The following VILL variants were observed in gnomAD, a reference collection of about 807,000 sequenced individuals.
VILL encodes the protein villin like.
VILL carries 102 observed loss-of-function variants against 106.3 expected under a neutral mutation model. That is an observed-to-expected ratio of 0.96 (90% CI 0.82 to 1.13). The LOEUF (loss-of-function observed/expected upper bound fraction) is 1.13, where lower values mean the gene tolerates loss of function less well. Among genes scored for constraint, VILL ranks in the 50% most tolerant of loss-of-function variants. The pLI is 0.00. For synonymous variants in VILL, 431 were observed against 440.3 expected, an observed-to-expected ratio of 0.98 and a Z score of 0.27; for missense variants, 1,076 against 1,116.6, an observed-to-expected ratio of 0.96 and a Z score of 0.52.
At position 37,999,418 on chromosome 3, in the gene VILL, C is replaced by T. The variant is rs781728652; in HGVS notation, c.1161C>T (p.Asp387=). ...TAGCGGCCCAGCTCAGGATGGTGGA[C>T]GACGGCTCTGGGAAGGTGGAGGTGA... is the stretch of plus-strand genomic sequence containing the variant. ...PKLAAQLRMV[D]DGSGKVEVWC... The change falls in exon 11 of 20, where the codon GAC becomes GAT. Residue 387 remains aspartate, a synonymous_variant. Transcript: ENST00000383759. 2 of 1,482,934 alleles carry T rather than the reference C, an allele frequency of 1.3e-6. No homozygotes were observed. The highest frequency in any genetic ancestry group is 2.6e-5 in the Admixed American group (1 of 38,352). 91.9% of individuals were successfully genotyped at this position (1,482,934 alleles called of 1,614,324 possible).
In VILL at chr3:38,004,311, TG is replaced by T. The variant is rs759154079; in HGVS notation, c.1865del (p.Gly622AlafsTer52). Reference sequence around the variant, plus strand: ...CGACTGTTTGAGTGCTCCAGCCACATGGGCTGCCTGGTCCTCGCAGAAGTGG... The same window carrying T: ...CGACTGTTTGAGTGCTCCAGCCACATGGCTGCCTGGTCCTCGCAGAAGTGG... ...QPRLFECSSH[M>X]GCLVLAEVGF... On this transcript the variant is annotated frameshift_variant, in exon 16 of 20. Transcript: ENST00000383759. LOFTEE classifies it high-confidence loss of function. 9.3e-6 allele frequency: 15 copies of T among 1,613,938 alleles called. No homozygotes were observed. In the East Asian group the frequency reaches 3.1e-4, roughly 34 times the overall value.
intron 15 of VILL, chr3:38,003,586 G>C (rs2125537498): frequency 2.2e-6 from 1 of 450,190 alleles, no homozygotes; most frequent in East Asian, 4.1e-5. Flanking sequence ...CCTGGGCCAG[G>C]GGACAAAGCA....
rs1463832892 is a variant in VILL at position 38,006,460 on chromosome 3, C to T, written c.2217C>T (p.Asn739=). The change falls in exon 19 of 20, where the codon AAC becomes AAT. Residue 739 remains asparagine (N), a synonymous_variant. Coordinates refer to ENST00000383759, the MANE Select transcript of VILL (RefSeq NM_015873.4). ...TCCTCTCTGGACAGGAAGTCAACAA[C>T]TTGCGGCTATCCAGATGGCCGGGCA... The part of the protein sequence containing the change: ...TISEITAEVN[N]LRLSRWPGNG... 4.4e-6 allele frequency: 7 copies of T among 1,601,770 alleles called. No homozygotes were observed.
chr3:37,995,718 C>T (rs201763873), intron 4 of VILL, 21 bp from the exon 5 acceptor site: 2 of 1,594,718 alleles, frequency 1.3e-6, no homozygotes, highest in Non-Finnish European at 1.7e-6. Flanking sequence ...TGTATATACC[C>T]TCCTGCTATT....
chr3:37,995,622 C>A, intron 4 of VILL, 117 bp from the exon 5 acceptor site: 1 of 773,300 alleles, frequency 1.3e-6, no homozygotes, highest in Non-Finnish European at 2.2e-6. Context: ...GACTCCAGTG[C>A]ATGTATGAAG....
At chr3:37,994,595 T>C in intron 4 of VILL, 129 bp downstream of exon 4, 1 of 995,978 alleles carries the variant, frequency 1.0e-6, no homozygotes, top group South Asian at 1.5e-5. Flanking sequence ...ACACCTTTAT[T>C]GAGATACAAC....
rs1386737870 is a variant in VILL at position 37,997,598 on chromosome 3, T to C, written c.677T>C (p.Val226Ala). 6.2e-7 allele frequency: 1 copy of C among 1,612,534 alleles called. No homozygotes were observed. Among genetic ancestry groups the C allele is most frequent in the Admixed American group, 1.7e-5 (1 of 59,976 alleles). ...GACCTCATGCAGATCATGGAGGCTG[T>C]GCTGGGCCGCAGGGTGGGCAGCCTG... Reference protein sequence around the residue: ...APDLMQIMEAVLGRRVGSLRA... With the variant: ...APDLMQIMEAALGRRVGSLRA... The change falls in exon 7 of 20, where the codon GTG becomes GCG. Residue 226 changes from valine (V) to alanine (A), a missense_variant. Val to Ala is a moderately conservative substitution (Grantham distance 64, BLOSUM62 0). Transcript: ENST00000383759. The surrounding 1 kb of genome is among the most constrained non-coding windows in gnomAD (Gnocchi z 4.7).
At position 37,998,129 on chromosome 3, in the gene VILL, G is replaced by T; in HGVS notation, c.804G>T (p.Leu268Phe). ...GCAAAGACCTGGTGGTCCTGGAGTT[G>T]GCGACCCCCCCACTGACCCAGGACC... ...EKGKDLVVLE[L>F]ATPPLTQDLL... is the part of the protein sequence containing the mutation. The change falls in exon 8 of 20, where the codon TTG (leucine) becomes TTT (phenylalanine). Residue 268 changes from leucine to phenylalanine, a missense_variant. By Grantham distance (22) the Leu-to-Phe change is conservative. Coordinates refer to ENST00000383759, the MANE Select transcript of VILL (RefSeq NM_015873.4). The surrounding 1 kb of genome is among the most constrained non-coding windows in gnomAD (Gnocchi z 4.1). 6.2e-7 allele frequency: 1 copy of T among 1,613,580 alleles called. No individual in the cohort carries two copies. Among genetic ancestry groups the T allele is most frequent in the East Asian group, 2.2e-5 (1 of 44,850 alleles).
rs777252436 is a variant in VILL, at chr3:38,002,381, C to T, written c.1480-15C>T. The T allele has an allele frequency of 3.2e-6, 5 of 1,586,192 alleles. No homozygotes were observed. In the South Asian group the frequency reaches 3.4e-5, roughly 11 times the overall value. On this transcript the variant is annotated splice_polypyrimidine_tract_variant and intron_variant, in intron 13 of 19. Transcript: ENST00000383759. ...TGGGAGCCCTTGCCCAGCCTGAGGC[C>T]TTGCTCTCCTATAGGAGAGAGCTGG... is the stretch of plus-strand genomic sequence containing the variant.
intron 18 of VILL, 86 bp from the exon 19 acceptor site, chr3:38,006,363 A>C: frequency 1.3e-6 from 2 of 1,598,218 alleles, no homozygotes; most frequent in South Asian, 2.2e-5. Context: ...CTGCAGTTGG[A>C]GGTAAGAGGC....
chr3:37,994,183 C>T (rs748745255), intron 3 of VILL, 78 bp from the exon 4 acceptor site: 5 of 1,517,208 alleles, frequency 3.3e-6, no homozygotes, highest in Non-Finnish European at 3.6e-6. Flanking sequence ...CTCCCCATGG[C>T]CCTTGGTACA....
At chr3:38,005,062 A>G (rs1699889865) in intron 16 of VILL, among the ~76,000 whole-genome samples, 1 of 151,798 alleles carries the variant, frequency 6.6e-6, no homozygotes, top group African/African-American at 2.4e-5. Context: ...GTGTGTGGCT[A>G]TGGTTTGCTG....
upstream of VILL, among the ~76,000 whole-genome samples, chr3:37,988,582 G>A (rs1210779683): frequency 6.6e-6 from 1 of 152,226 alleles, no homozygotes; most frequent in African/African-American, 2.4e-5. Flanking sequence ...GTGGATACAG[G>A]CCGGGCGTGG....
chr3:38,002,618 G>A (rs368297262), intron 14 of VILL, 43 bp downstream of exon 14: 2 of 1,585,946 alleles, frequency 1.3e-6, no homozygotes, highest in Admixed American at 1.7e-5. Context: ...CAGATGTAGT[G>A]GTGCCAGGCT....
chr3:37,994,376 A>C lies in VILL; in HGVS notation c.251A>C (p.Gln84Pro). 1 of 1,612,418 alleles carries C rather than the reference A, an allele frequency of 6.2e-7. No individual in the cohort carries two copies. Among genetic ancestry groups the C allele is most frequent in the Non-Finnish European group, 8.5e-7 (1 of 1,179,776 alleles). ...GAAEAFQQRL[Q>P]DELGGQTVLH... ...GCGGAGGCCTTCCAGCAGCGCCTAC[A>C]GGACGAGCTGGGGGGCCAGACCGTG... Residue 84 changes from glutamine to proline, a missense_variant, in exon 4 of 20, where the codon CAG (glutamine) becomes CCG (proline). Physicochemically the swap from Gln to Pro is moderately conservative, Grantham distance 76. Transcript: ENST00000383759.
At chr3:37,992,124 G>C (rs1347925898) in intron 1 of VILL, among the ~76,000 whole-genome samples, 1 of 152,088 alleles carries the variant, frequency 6.6e-6, no homozygotes, top group East Asian at 1.9e-4. Context: ...CTGTTCTGAG[G>C]CCATCCAGTA....
chr3:38,003,552 A>T (rs1324254897), intron 15 of VILL: 3 of 526,670 alleles, frequency 5.7e-6, no homozygotes, highest in East Asian at 3.4e-5. Context: ...TGCTGGCAGC[A>T]TCCCCTCCCT....
In VILL at chr3:38,001,502, G is replaced by A. The variant is rs35351971; in HGVS notation, c.1229G>A (p.Arg410His). ...DLHRQPVDPK[R>H]HGQLCAGNCY... ...CACAGGCAGCCCGTGGACCCCAAGC[G>A]TCATGGACAGCTGTGTGCAGGCAAC... is the stretch of plus-strand genomic sequence containing the variant. The change falls in exon 12 of 20, where the codon CGT (arginine) becomes CAT (histidine). Residue 410 changes from arginine (R) to histidine (H), a missense_variant. By Grantham distance (29) the Arg-to-His change is conservative. Coordinates refer to ENST00000383759, the MANE Select transcript of VILL (RefSeq NM_015873.4). 1,502 of 1,614,220 alleles carry A rather than the reference G, an allele frequency of 9.3e-4. 3 individuals are homozygous for A. The highest frequency in any genetic ancestry group is 1.4e-3 in the African/African-American group (102 of 75,060).
rs192795184 is a variant in VILL, at chr3:37,992,474, C to T, written c.-86-1113C>T. On this transcript the variant is annotated intron_variant, in intron 1 of 19. Coordinates refer to ENST00000383759, the MANE Select transcript of VILL (RefSeq NM_015873.4). ...GCTCCCTTCTCTATTCATTTTCACTCAGTCCAGTCGCAGGGCAGCACACTT... is the reference window on the plus strand; with the variant it reads ...GCTCCCTTCTCTATTCATTTTCACTTAGTCCAGTCGCAGGGCAGCACACTT... 8.8e-4 allele frequency among the ~76,000 whole-genome samples: 134 copies of T among 152,278 alleles called. 1 individual carries two copies. Among genetic ancestry groups the T allele is most frequent in the East Asian group, 8.5e-3 (44 of 5,180 alleles).
Sources: allele counts gnomAD v4.1 joint callset (sites outside exome capture counted in the v4.1 genomes callset), GRCh38; gene constraint gnomAD v4.1.1; non-coding constraint Gnocchi (gnomAD v3.1); transcripts MANE v1.5; gene names NCBI Gene and HGNC (gene_info 2026-07-23, HGNC 2026-07-21).